The following MIPOL1 variants were observed in gnomAD, a reference collection of about 807,000 sequenced individuals.
The protein encoded by MIPOL1 is mirror-image polydactyly gene 1 protein.
A neutral mutation model predicts 60.9 loss-of-function variants in MIPOL1; 57 were observed. That is an observed-to-expected ratio of 0.94 (90% CI 0.76 to 1.17). The LOEUF (loss-of-function observed/expected upper bound fraction) is 1.17, where lower values mean the gene tolerates loss of function less well. Among genes scored for constraint, MIPOL1 ranks in the 50% most tolerant of loss-of-function variants. The pLI is 0.00. For missense variants in MIPOL1, 551 were observed against 511.6 expected (o/e 1.08, Z -0.74); for synonymous variants, 179 against 168.8 (o/e 1.06, Z -0.47).
At chr14:37,410,481 A>G (rs187346694) in intron 10 of MIPOL1, among the ~76,000 whole-genome samples, 149 of 152,308 alleles carry the variant, frequency 9.8e-4, no homozygotes, top group African/African-American at 3.4e-3. Context: ...AATTTTTACA[A>G]TTTCAGAATT....
At chr14:37,229,179 C>T (rs111958533) in intron 1 of MIPOL1, among the ~76,000 whole-genome samples, 6,682 of 152,132 alleles carry the variant, frequency 0.044, 338 homozygotes, top group African/African-American at 0.12. Flanking sequence ...GTGTTTGAGA[C>T]GGGGTCTCAC....
intron 12 of MIPOL1, chr14:37,506,837 C>T (rs2095281317): frequency 2.0e-5 from 3 of 152,194 alleles, no homozygotes; most frequent in African/African-American, 4.8e-5. Context: ...AAAATTTTTG[C>T]AATCTACCCA....
intron 10 of MIPOL1, among the ~76,000 whole-genome samples, chr14:37,380,531 G>T (rs2092898410): frequency 6.6e-6 from 1 of 152,110 alleles, no homozygotes; most frequent in African/African-American, 2.4e-5. Context: ...CTGATGAGAT[G>T]CAGATGAAAC....
intron 3 of MIPOL1, among the ~76,000 whole-genome samples, chr14:37,257,095 T>TTTTGTGTGTGTGTGTGTGTG (rs1555371897): frequency 7.3e-6 from 1 of 137,708 alleles, no homozygotes; most frequent in Admixed American, 7.5e-5. Flanking sequence ...TGGTTTTGTT[T>TTTTGTGTGTGTGTGTGTGTG]TGTGTGTGTG....
At chr14:37,315,120 C>T (rs1038805969) in intron 9 of MIPOL1, among the ~76,000 whole-genome samples, 1 of 152,086 alleles carries the variant, frequency 6.6e-6, no homozygotes, top group East Asian at 1.9e-4. Context: ...ATAGGGTGAT[C>T]AAGGCAGGCC....
intron 10 of MIPOL1, among the ~76,000 whole-genome samples, chr14:37,397,651 C>CT (rs2093400490): frequency 6.6e-6 from 1 of 152,060 alleles, no homozygotes; most frequent in South Asian, 2.1e-4. Context: ...TCAGACTCTC[C>CT]TTGGGTAGGG....
intron 1 of MIPOL1, among the ~76,000 whole-genome samples, chr14:37,236,174 C>T (rs555459594): frequency 6.6e-6 from 1 of 152,214 alleles, no homozygotes; most frequent in African/African-American, 2.4e-5. Flanking sequence ...AATCCACCCA[C>T]CTTGGCCTCC....
chr14:37,218,792 G>T (rs1156260398), intron 1 of MIPOL1, among the ~76,000 whole-genome samples: 1 of 151,802 alleles, frequency 6.6e-6, no homozygotes, highest in Non-Finnish European at 1.5e-5. Flanking sequence ...AGAAAAATTA[G>T]CCTGGTGTGG....
chr14:37,335,945 A>C (rs899985178), intron 9 of MIPOL1, among the ~76,000 whole-genome samples: 1 of 151,974 alleles, frequency 6.6e-6, no homozygotes, highest in African/African-American at 2.4e-5. Flanking sequence ...TTGCGCTTTT[A>C]GTATCATATT....
chr14:37,218,977 G>C (rs181160539), intron 1 of MIPOL1, among the ~76,000 whole-genome samples: 266 of 151,266 alleles, frequency 1.8e-3, no homozygotes, highest in Non-Finnish European at 3.2e-3. Flanking sequence ...AATATTAATA[G>C]TAAAGGTGGT....
chr14:37,272,577 G>A (rs2083374889), intron 6 of MIPOL1, among the ~76,000 whole-genome samples: 1 of 151,362 alleles, frequency 6.6e-6, no homozygotes, highest in Non-Finnish European at 1.5e-5. Flanking sequence ...CAGTCAAAAA[G>A]CAAAACAGAA....
At chr14:37,536,494 ACAT>A (rs1171922645) in intron 12 of MIPOL1, among the ~76,000 whole-genome samples, 2 of 152,192 alleles carry the variant, frequency 1.3e-5, no homozygotes, top group Non-Finnish European at 2.9e-5. Flanking sequence ...GAATCACATA[ACAT>A]CATCATAAAG....
chr14:37,355,118 T>G (rs1348899672), intron 9 of MIPOL1, among the ~76,000 whole-genome samples: 6 of 149,238 alleles, frequency 4.0e-5, no homozygotes, highest in Non-Finnish European at 3.0e-5. Flanking sequence ...ACAAAATCTC[T>G]CAGCATTTGC....
intron 9 of MIPOL1, among the ~76,000 whole-genome samples, chr14:37,356,498 C>A (rs1156764635): frequency 6.6e-6 from 1 of 152,166 alleles, no homozygotes; most frequent in Non-Finnish European, 1.5e-5. Context: ...GGGCGCCCCT[C>A]CCCCAGCCTC....
At chr14:37,390,463 A>G (rs12884204) in intron 10 of MIPOL1, among the ~76,000 whole-genome samples, 33,166 of 152,074 alleles carry the variant, frequency 0.22, 4,087 homozygotes, top group South Asian at 0.33. Flanking sequence ...TACACGTTGT[A>G]TAAACTGACT....
intron 1 of MIPOL1, among the ~76,000 whole-genome samples, chr14:37,232,671 A>T (rs779862261): frequency 6.6e-6 from 1 of 152,102 alleles, no homozygotes; most frequent in Non-Finnish European, 1.5e-5. Context: ...TATAGTATTG[A>T]TGGAGGCATT....
At chr14:37,285,256 T>C in intron 6 of MIPOL1, 62 bp from the exon 7 acceptor site, 1 of 1,580,252 alleles carries the variant, frequency 6.3e-7, no homozygotes, top group Non-Finnish European at 8.6e-7. Flanking sequence ...TTATTTTTGC[T>C]AAAGGTATAC....
At chr14:37,253,683 T>G (rs1301167096) in intron 3 of MIPOL1, among the ~76,000 whole-genome samples, 1 of 151,756 alleles carries the variant, frequency 6.6e-6, no homozygotes, top group African/African-American at 2.4e-5. Flanking sequence ...TTGAAATGAT[T>G]GTAATAGTAT....
chr14:37,217,780 A>G (rs951884647), intron 1 of MIPOL1, among the ~76,000 whole-genome samples: 1 of 152,216 alleles, frequency 6.6e-6, no homozygotes, highest in Non-Finnish European at 1.5e-5. Flanking sequence ...CACAGTTAAT[A>G]TCATACTGAA....
Sources: allele counts gnomAD v4.1 joint callset (sites outside exome capture counted in the v4.1 genomes callset), GRCh38; gene constraint gnomAD v4.1.1; transcripts MANE v1.5; gene names NCBI Gene and HGNC (gene_info 2026-07-23, HGNC 2026-07-21).